The following TMEM150C variants were observed in gnomAD, a reference collection of about 807,000 sequenced individuals.
The protein encoded by TMEM150C is transmembrane protein 150C.
TMEM150C carries 10 observed loss-of-function variants against 29.9 expected under a neutral mutation model. The ratio of observed to expected loss-of-function variants is 0.33; its 90% confidence interval spans 0.21 to 0.57. TMEM150C has a LOEUF of 0.57. TMEM150C is among the 20% of genes least tolerant of loss of function. The pLI is 0.88. For synonymous variants in TMEM150C, 101 were observed against 112.5 expected, an observed-to-expected ratio of 0.90 and a Z score of 0.64; for missense variants, 251 against 303.6, an observed-to-expected ratio of 0.83 and a Z score of 1.29.
At chr4:82,526,132 T>C (rs1724645099) in intron 1 of TMEM150C, among the ~76,000 whole-genome samples, 1 of 152,214 alleles carries the variant, frequency 6.6e-6, no homozygotes, top group African/African-American at 2.4e-5. Flanking sequence ...CTCAAACTCC[T>C]AGGCTCAAGC....
rs893109064 is a variant in TMEM150C at position 82,527,019 on chromosome 4, CTTTTTTT to C, written c.-10-22359_-10-22353del. ...CCTCACCACCCAGATCATACTGGGT[CTTTTTTT>C]TTTTTTTTTTTTTTTTTGGCAAATA... On this transcript the variant is annotated intron_variant, in intron 1 of 7. Transcript: ENST00000449862. Among the ~76,000 whole-genome samples the C allele has an allele frequency of 5.5e-3, 408 of 74,730 alleles. 2 individuals carry two copies. The highest frequency in any genetic ancestry group is 0.018 in the African/African-American group (337 of 18,342). The allele number at this position is 74,730 out of a possible 152,430, so 49.0% of individuals were successfully genotyped here.
In TMEM150C at chr4:82,503,094, T is replaced by C. The variant is rs1280489631; in HGVS notation, c.99A>G (p.Glu33=). ...AATTTAATGGTAAAATTTTGTCATCTTCCACAGCTATGAAGTATCTATCAA... is the reference window on the plus strand; with the variant it reads ...AATTTAATGGTAAAATTTTGTCATCCTCCACAGCTATGAAGTATCTATCAA... ...GLWIVYFIAV[E]DDKILPLNSA... Residue 33 remains glutamate, a synonymous_variant, in exon 3 of 8, where the codon GAA becomes GAG. Coordinates refer to ENST00000449862, the MANE Select transcript of TMEM150C (RefSeq NM_001080506.3). 6.2e-7 allele frequency: 1 copy of C among 1,609,974 alleles called. No homozygotes were observed. Among genetic ancestry groups the C allele is most frequent in the South Asian group, 1.1e-5 (1 of 90,692 alleles).
chr4:82,559,951 CA>C (rs1725867686), intron 1 of TMEM150C, among the ~76,000 whole-genome samples: 2 of 152,134 alleles, frequency 1.3e-5, no homozygotes, highest in Admixed American at 1.3e-4. Context: ...GTGTGGGTCA[CA>C]GGCGAGACAA....
intron 7 of TMEM150C, among the ~76,000 whole-genome samples, chr4:82,486,036 A>G (rs1054219992): frequency 6.6e-6 from 1 of 152,054 alleles, no homozygotes. Context: ...TATCCAAATA[A>G]TTGTCAGTTT....
chr4:82,511,472 A>ATTTCTTTTT (rs1724122652), intron 1 of TMEM150C, among the ~76,000 whole-genome samples: 1 of 106,390 alleles, frequency 9.4e-6, no homozygotes, highest in African/African-American at 3.9e-5. Context: ...TCCCAACACT[A>ATTTCTTTTT]TTTTTTTTTT....
chr4:82,502,991 C>T, intron 3 of TMEM150C, 64 bp from the exon 4 acceptor site: 2 of 1,601,662 alleles, frequency 1.2e-6, no homozygotes, highest in Non-Finnish European at 1.7e-6. Context: ...TGCAGTTTAA[C>T]CTTCCCAGTG....
intron 6 of TMEM150C, 71 bp from the exon 7 acceptor site, chr4:82,490,309 A>C: frequency 7.5e-7 from 1 of 1,330,706 alleles, no homozygotes; most frequent in Non-Finnish European, 1.1e-6. Flanking sequence ...GAAGGAATGA[A>C]TATATGAGGG....
chr4:82,492,864 G>GTGTATATATATATATATA (rs71666742), intron 6 of TMEM150C, among the ~76,000 whole-genome samples: 5 of 90,284 alleles, frequency 5.5e-5, no homozygotes, highest in African/African-American at 2.0e-4. Context: ...ATATGTTTGT[G>GTGTATATATATATATATA]TATATATATA....
chr4:82,485,619 C>T lies in TMEM150C; in HGVS notation c.642G>A (p.Glu214=), dbSNP rs200854496. The T allele has an allele frequency of 1.2e-6, 2 of 1,610,732 alleles. No individual in the cohort carries two copies. The highest frequency in any genetic ancestry group is 1.7e-6 in the Non-Finnish European group (2 of 1,178,478). The change falls in exon 8 of 8, where the codon GAG becomes GAA. Residue 214 remains glutamate, a synonymous_variant. Transcript: ENST00000449862. ...CAATCTCATAGCGGTAATGCCGGAA[C>T]TCCACGGCAAAGGTGCCAAAATAAG... is the stretch of plus-strand genomic sequence containing the variant. ...FLSYFGTFAV[E]FRHYRYEIVC... is the part of the protein sequence containing the mutation.
chr4:82,493,683 G>A (rs773680423), intron 6 of TMEM150C, among the ~76,000 whole-genome samples: 1 of 152,146 alleles, frequency 6.6e-6, no homozygotes, highest in Admixed American at 6.5e-5. Flanking sequence ...TAGTGACTGA[G>A]CACTTTACAA....
chr4:82,507,727 C>CTTTTTTTTTTTTT lies in TMEM150C; in HGVS notation c.-10-3073_-10-3061dup, dbSNP rs869112887. Among the ~76,000 whole-genome samples the CTTTTTTTTTTTTT allele has an allele frequency of 2.5e-3, 51 of 20,564 alleles. 11 individuals are homozygous for CTTTTTTTTTTTTT. The highest frequency in any genetic ancestry group is 2.9e-3 in the Non-Finnish European group (39 of 13,474). The allele number at this position is 20,564 out of a possible 152,430, so 13.5% of individuals were successfully genotyped here. A position where few individuals can be genotyped will look rare whatever the true frequency, so the allele number is the denominator to read the frequency against. ...TTAAATTAACTCTCTCTCTCTCTCT[C>CTTTTTTTTTTTTT]TTTTTTTTTTTTTTTTTTTTTTTTT... On this transcript the variant is annotated intron_variant, in intron 1 of 7. Coordinates refer to ENST00000449862, the MANE Select transcript of TMEM150C (RefSeq NM_001080506.3).
intron 4 of TMEM150C, 49 bp from the exon 5 acceptor site, chr4:82,502,843 C>A (rs749438715): frequency 6.3e-7 from 1 of 1,589,238 alleles, no homozygotes; most frequent in Admixed American, 1.8e-5. Flanking sequence ...AATCTATAAT[C>A]CTCCTAACTT....
intron 2 of TMEM150C, 119 bp from the exon 3 acceptor site, chr4:82,503,231 C>A: frequency 1.4e-6 from 1 of 723,640 alleles, no homozygotes; most frequent in Non-Finnish European, 2.3e-6. Flanking sequence ...GAGAAATGCT[C>A]TTTTACAATT....
intron 7 of TMEM150C, among the ~76,000 whole-genome samples, chr4:82,487,555 A>G (rs1435337657): frequency 2.0e-5 from 3 of 152,248 alleles, no homozygotes; most frequent in African/African-American, 7.2e-5. Context: ...ATTAATGGAG[A>G]AAGCATATCT....
chr4:82,522,013 T>C (rs960469127), intron 1 of TMEM150C, among the ~76,000 whole-genome samples: 4 of 152,182 alleles, frequency 2.6e-5, no homozygotes, highest in African/African-American at 9.6e-5. Context: ...CAGTGAGCCA[T>C]TACTGCACCA....
chr4:82,533,215 C>T (rs565677194), intron 1 of TMEM150C, among the ~76,000 whole-genome samples: 11 of 152,286 alleles, frequency 7.2e-5, no homozygotes, highest in Middle Eastern at 3.4e-3. Context: ...CACTAATTAA[C>T]GTGTACCATA....
intron 1 of TMEM150C, among the ~76,000 whole-genome samples, chr4:82,534,288 T>C (rs1239631822): frequency 6.6e-6 from 1 of 152,190 alleles, no homozygotes. Context: ...GTGATAGGCT[T>C]ATTTACCAAC....
At chr4:82,516,212 A>C (rs1377007060) in intron 1 of TMEM150C, among the ~76,000 whole-genome samples, 1 of 152,134 alleles carries the variant, frequency 6.6e-6, no homozygotes, top group Non-Finnish European at 1.5e-5. Context: ...GAAGACTAAG[A>C]AATGCCAGGC....
intron 6 of TMEM150C, among the ~76,000 whole-genome samples, chr4:82,492,792 C>CAAAAA (rs1192509650): frequency 5.8e-5 from 3 of 51,888 alleles, no homozygotes; most frequent in African/African-American, 2.5e-4. Flanking sequence ...TCCACTTCTC[C>CAAAAA]AAAAAAAAAA....
Sources: gnomAD v4.1 joint callset for allele counts (sites outside exome capture counted in the v4.1 genomes callset) on GRCh38, gnomAD v4.1.1 for gene constraint, MANE v1.5 for transcripts, NCBI Gene and HGNC (gene_info 2026-07-23, HGNC 2026-07-21) for gene names.